Variants in CLEC17A observed in about 807,000 individuals in gnomAD.
The protein encoded by CLEC17A is C-type lectin domain family 17, member A.
Under a neutral mutation model 61.3 loss-of-function variants are expected in CLEC17A, and 37 were observed. The observed-to-expected ratio is 0.60, with a 90% CI of 0.46 to 0.79. The LOEUF (loss-of-function observed/expected upper bound fraction) is 0.79, where lower values mean the gene tolerates loss of function less well. Among genes scored for constraint, CLEC17A ranks in the 30% least tolerant of loss-of-function variants. The pLI, the probability that CLEC17A is intolerant of heterozygous loss-of-function variation, is 0.00. For missense variants in CLEC17A, 418 were observed against 464.7 expected, an observed-to-expected ratio of 0.90 and a Z score of 0.92; for synonymous variants, 168 against 164.9, an observed-to-expected ratio of 1.02 and a Z score of -0.14.
chr19:14,602,881 G>A (rs532367022), intron 12 of CLEC17A, among the ~76,000 whole-genome samples: 15 of 151,946 alleles, frequency 9.9e-5, no homozygotes, highest in African/African-American at 2.7e-4. Context: ...GATTACAGGC[G>A]CCCACCACCA....
chr19:14,602,624 T>G (rs1021926205), intron 12 of CLEC17A, among the ~76,000 whole-genome samples: 1 of 152,220 alleles, frequency 6.6e-6, no homozygotes, highest in Non-Finnish European at 1.5e-5. Flanking sequence ...TTACATTTAA[T>G]ATAATTACTG....
At chr19:14,594,191 T>C (rs2074489719) in intron 4 of CLEC17A, among the ~76,000 whole-genome samples, 1 of 150,590 alleles carries the variant, frequency 6.6e-6, no homozygotes, top group African/African-American at 2.4e-5. Flanking sequence ...GAGGCAGAAT[T>C]GCTTGAACCC....
chr19:14,581,597 G>C (rs1244417246), upstream of CLEC17A, among the ~76,000 whole-genome samples: 7 of 152,110 alleles, frequency 4.6e-5, no homozygotes, highest in East Asian at 1.2e-3. Context: ...CTCCCGAAGT[G>C]TTGGGATTAC....
intron 8 of CLEC17A, among the ~76,000 whole-genome samples, chr19:14,596,145 G>T (rs1051011946): frequency 6.6e-6 from 1 of 151,802 alleles, no homozygotes; most frequent in Non-Finnish European, 1.5e-5. Context: ...AGAAGCCGGG[G>T]TCCACAAGCT....
chr19:14,585,127 G>A (rs891467827), intron 2 of CLEC17A, among the ~76,000 whole-genome samples: 2 of 152,190 alleles, frequency 1.3e-5, no homozygotes, highest in African/African-American at 2.4e-5. Context: ...GAAGAGAACT[G>A]TGAATTGTCT....
Position 14,583,263 on chromosome 19 carries a change from A to C in CLEC17A, c.43+60A>C, listed in dbSNP as rs773785821. 4.3e-6 allele frequency: 7 copies of C among 1,613,410 alleles called. No individual in the cohort carries two copies. In the South Asian group the frequency reaches 6.6e-5, roughly 15 times the overall value. ...GTGTGGTCAGGACCCAGGGTACAGA[A>C]TCCCCACCATGGGGCAGCTGAGGCA... On this transcript the variant is annotated intron_variant, in intron 1 of 13. Transcript: ENST00000417570.
intron 2 of CLEC17A, 61 bp downstream of exon 2, chr19:14,583,495 A>C: frequency 6.2e-7 from 1 of 1,604,446 alleles, no homozygotes. Flanking sequence ...TCCAGTGGGC[A>C]TTGGTTGGGC....
intron 4 of CLEC17A, 42 bp from the exon 5 acceptor site, chr19:14,594,475 C>T (rs372350704): frequency 2.6e-6 from 4 of 1,553,654 alleles, no homozygotes; most frequent in African/African-American, 1.4e-5. Flanking sequence ...TGGCGCATTC[C>T]CATCCTCAGC....
chr19:14,588,730 C>T (rs557929793), intron 3 of CLEC17A: 2 of 152,106 alleles, frequency 1.3e-5, no homozygotes, highest in East Asian at 1.9e-4. Flanking sequence ...ACCCTGAGGC[C>T]ATGAGAGATC....
At chr19:14,596,697 A>G (rs541068317) in intron 8 of CLEC17A, among the ~76,000 whole-genome samples, 179 bp from the exon 9 acceptor site, 5 of 152,296 alleles carry the variant, frequency 3.3e-5, no homozygotes, top group African/African-American at 1.2e-4. Flanking sequence ...AAATGCATCA[A>G]AAAGACCCTG....
Position 14,596,945 on chromosome 19 carries a change from A to G in CLEC17A, c.515A>G (p.Tyr172Cys), listed in dbSNP as rs750812921. The G allele has an allele frequency of 1.9e-6, 3 of 1,608,272 alleles. No individual in the cohort carries two copies. The highest frequency in any genetic ancestry group is 2.5e-6 in the Non-Finnish European group (3 of 1,177,330). ...TGCTGCCAGAAGAGGTGGATGGTGT[A>G]CCTGTGTCTGCTGGTGGTGACTTCC... ...PGCCQKRWMV[Y>C]LCLLVVTSLF... The change falls in exon 9 of 14, where the codon TAC becomes TGC. Residue 172 changes from tyrosine to cysteine, a missense_variant. By Grantham distance (194) the Tyr-to-Cys change is radical. Coordinates refer to ENST00000417570, the MANE Select transcript of CLEC17A (RefSeq NM_001204118.2).
At chr19:14,587,820 C>T in intron 3 of CLEC17A, 129 bp downstream of exon 3, 5 of 1,518,022 alleles carry the variant, frequency 3.3e-6, no homozygotes, top group African/African-American at 1.4e-5. Context: ...ACTGTGGAAC[C>T]CACACCCTGC....
chr19:14,594,292 A>G (rs1412643757), intron 4 of CLEC17A, among the ~76,000 whole-genome samples: 1 of 152,006 alleles, frequency 6.6e-6, no homozygotes, highest in Non-Finnish European at 1.5e-5. Flanking sequence ...ATATAAAATA[A>G]AATAAAAAAT....
intron 4 of CLEC17A, among the ~76,000 whole-genome samples, chr19:14,593,350 A>G (rs2074465772): frequency 1.3e-5 from 2 of 151,478 alleles, no homozygotes; most frequent in Admixed American, 6.6e-5. Context: ...AAAAAAAAAA[A>G]AAAAGGGAAG....
At position 14,583,220 on chromosome 19, in the gene CLEC17A, G is replaced by A; in HGVS notation, c.43+17G>A. On this transcript the variant is annotated intron_variant, in intron 1 of 13. Transcript: ENST00000417570. ...ACCCACCAGGTAAGGCCCCGGCCAG[G>A]CTGGGGCTGGGGCCTAGGTGTGGTC... 6.2e-7 allele frequency: 1 copy of A among 1,613,786 alleles called. No homozygotes were observed. Among genetic ancestry groups the A allele is most frequent in the Non-Finnish European group, 8.5e-7 (1 of 1,179,838 alleles).
At chr19:14,585,281 T>C (rs867645768) in intron 2 of CLEC17A, among the ~76,000 whole-genome samples, 7,987 of 120,642 alleles carry the variant, frequency 0.066, 9 homozygotes, top group African/African-American at 0.27. Context: ...GCAATCCTCC[T>C]ACTACACCCT....
In CLEC17A at chr19:14,611,928, C is replaced by T. The variant is rs2075044387; in HGVS notation, c.*1732C>T. Among the ~76,000 whole-genome samples the T allele has an allele frequency of 6.6e-6, 1 of 152,114 alleles. No individual in the cohort carries two copies. The highest frequency in any genetic ancestry group is 1.5e-5 in the Non-Finnish European group (1 of 68,006). On this transcript the variant is annotated 3_prime_UTR_variant, in exon 14 of 14. Coordinates refer to ENST00000417570, the MANE Select transcript of CLEC17A (RefSeq NM_001204118.2). ...CTAAGGCACGAGAATTGCTTGAACC[C>T]AGGAGGCGGAGGTTGCAGTGAGCCG...
At chr19:14,595,041 T>A (rs2074510325) in intron 7 of CLEC17A, among the ~76,000 whole-genome samples, 1 of 152,040 alleles carries the variant, frequency 6.6e-6, no homozygotes, top group East Asian at 1.9e-4. Flanking sequence ...CTGGCTAAGT[T>A]TTGTATTTTT....
intron 10 of CLEC17A, among the ~76,000 whole-genome samples, chr19:14,597,436 G>A (rs2074577549): frequency 6.6e-6 from 1 of 152,206 alleles, no homozygotes; most frequent in East Asian, 1.9e-4. Context: ...ACTGAGATGA[G>A]CACTAAGTAT....
Sources: gnomAD v4.1 joint callset for allele counts (sites outside exome capture counted in the v4.1 genomes callset) on GRCh38, gnomAD v4.1.1 for gene constraint, MANE v1.5 for transcripts, NCBI Gene and HGNC (gene_info 2026-07-23, HGNC 2026-07-21) for gene names.